LSAMP: variants seen among roughly 807,000 people sequenced by gnomAD.
The protein encoded by LSAMP is limbic system-associated membrane protein.
LSAMP carries 7 observed loss-of-function variants against 38.6 expected under a neutral mutation model. The observed-to-expected ratio is 0.18, with a 90% CI of 0.10 to 0.34. LSAMP has a LOEUF of 0.34. LSAMP is among the 10% of genes least tolerant of loss of function. The probability of loss-of-function intolerance (pLI) is 1.00; values close to 1 mark genes in which losing one functional copy is unlikely to be tolerated. For synonymous variants in LSAMP, 154 were observed against 166.8 expected (o/e 0.92, Z 0.59); for missense variants, 313 against 420.0 (o/e 0.75, Z 2.23).
At chr3:116,005,115 G>GATCT (rs1291566277) in intron 3 of LSAMP, among the ~76,000 whole-genome samples, 1 of 152,082 alleles carries the variant, frequency 6.6e-6, no homozygotes, top group Non-Finnish European at 1.5e-5. Context: ...GGTGAGAAAA[G>GATCT]ATCTGAATAT....
chr3:116,325,696 T>C (rs962796243), intron 1 of LSAMP, among the ~76,000 whole-genome samples: 8 of 152,196 alleles, frequency 5.3e-5, no homozygotes, highest in African/African-American at 1.9e-4. Flanking sequence ...TTTCTCTTTA[T>C]GTACACTTCA....
chr3:116,169,979 A>G (rs945107995), intron 1 of LSAMP, among the ~76,000 whole-genome samples: 2 of 152,182 alleles, frequency 1.3e-5, no homozygotes, highest in Non-Finnish European at 2.9e-5. Context: ...CAGCGAATTA[A>G]CGAGCTTAAA....
chr3:116,161,765 G>A (rs1709891592), intron 1 of LSAMP, among the ~76,000 whole-genome samples: 1 of 152,198 alleles, frequency 6.6e-6, no homozygotes, highest in African/African-American at 2.4e-5. Context: ...CAAAAAAGAT[G>A]ACACAGCAGT....
intron 1 of LSAMP, among the ~76,000 whole-genome samples, chr3:116,376,161 G>C (rs1408805188): frequency 6.6e-6 from 1 of 151,990 alleles, no homozygotes; most frequent in Non-Finnish European, 1.5e-5. Context: ...TAGATATTTT[G>C]AGTCTTATCA....
At chr3:116,174,697 C>T (rs780700487) in intron 1 of LSAMP, among the ~76,000 whole-genome samples, 3 of 151,956 alleles carry the variant, frequency 2.0e-5, no homozygotes, top group Non-Finnish European at 2.9e-5. Flanking sequence ...ACTTTCTTAT[C>T]GCTGTGCTCT....
intron 1 of LSAMP, among the ~76,000 whole-genome samples, chr3:116,208,432 C>T (rs893326378): frequency 3.0e-4 from 46 of 152,170 alleles, no homozygotes; most frequent in African/African-American, 8.9e-4. Context: ...AGCTTTGTTC[C>T]GTTGCTGGTG....
intron 3 of LSAMP, among the ~76,000 whole-genome samples, chr3:116,007,745 T>C (rs1940203345): frequency 6.6e-6 from 1 of 152,182 alleles, no homozygotes; most frequent in Non-Finnish European, 1.5e-5. Context: ...AATGCTCCTA[T>C]ATTTGTGCTT....
Position 115,869,848 on chromosome 3 carries a change from T to C in LSAMP, c.515-17231A>G, listed in dbSNP as rs1158242563. Among the ~76,000 whole-genome samples the C allele has an allele frequency of 2.0e-5, 3 of 152,042 alleles. No individual in the cohort carries two copies. The East Asian group carries it at 5.8e-4, about 29-fold the overall frequency. On this transcript the variant is annotated intron_variant, in intron 3 of 6. Coordinates refer to ENST00000490035, the MANE Select transcript of LSAMP (RefSeq NM_002338.5). ...ACAGACATTTATAAGGATATGTATATCCTTATATATATGTGTATACATAAA... is the reference window on the plus strand; with the variant it reads ...ACAGACATTTATAAGGATATGTATACCCTTATATATATGTGTATACATAAA...
At chr3:116,230,228 C>CT (rs375110846) in intron 1 of LSAMP, among the ~76,000 whole-genome samples, 103 of 145,950 alleles carry the variant, frequency 7.1e-4, no homozygotes, top group African/African-American at 2.0e-3. Flanking sequence ...GGGTAGAATA[C>CT]TTTTTTTTTT....
At chr3:116,239,633 A>G (rs1027533767) in intron 1 of LSAMP, among the ~76,000 whole-genome samples, 7 of 152,170 alleles carry the variant, frequency 4.6e-5, no homozygotes, top group Admixed American at 2.0e-4. Context: ...GAAAATCAGG[A>G]AGGACCAAAC....
intron 1 of LSAMP, among the ~76,000 whole-genome samples, chr3:116,414,566 G>A (rs1307113778): frequency 6.6e-6 from 1 of 152,100 alleles, no homozygotes; most frequent in Admixed American, 6.6e-5. Context: ...TCTCATCTCA[G>A]TGGAAATTAT....
intron 1 of LSAMP, among the ~76,000 whole-genome samples, chr3:116,159,910 G>A (rs1003554637): frequency 6.6e-6 from 1 of 151,552 alleles, no homozygotes; most frequent in Admixed American, 6.6e-5. Flanking sequence ...AAAAGAATGA[G>A]ATCATGTTTT....
At chr3:116,094,943 C>A (rs1708194241) in intron 1 of LSAMP, among the ~76,000 whole-genome samples, 1 of 152,058 alleles carries the variant, frequency 6.6e-6, no homozygotes, top group African/African-American at 2.4e-5. Context: ...TTTCATAAAA[C>A]AAAGCAATAT....
At chr3:116,237,201 CA>C (rs1414831395) in intron 1 of LSAMP, among the ~76,000 whole-genome samples, 1 of 152,096 alleles carries the variant, frequency 6.6e-6, no homozygotes, top group African/African-American at 2.4e-5. Flanking sequence ...AAAGCTCAAA[CA>C]AAACGACGAA....
intron 1 of LSAMP, among the ~76,000 whole-genome samples, chr3:116,112,646 T>A (rs1013970457): frequency 7.9e-5 from 12 of 152,124 alleles, no homozygotes; most frequent in Non-Finnish European, 1.3e-4. Flanking sequence ...AGTGTGCAAT[T>A]GGAAAGAGTG....
chr3:116,030,517 G>T (rs1940893906), intron 2 of LSAMP, among the ~76,000 whole-genome samples: 1 of 152,140 alleles, frequency 6.6e-6, no homozygotes, highest in Non-Finnish European at 1.5e-5. Flanking sequence ...GATTTAAGTA[G>T]ATAGAATGAA....
intron 3 of LSAMP, among the ~76,000 whole-genome samples, chr3:115,913,126 T>C (rs1486509066): frequency 1.3e-5 from 2 of 152,236 alleles, no homozygotes; most frequent in African/African-American, 2.4e-5. Context: ...ATTATTATTT[T>C]AATATGCTCT....
At chr3:116,280,861 AGT>A (rs777520474) in intron 1 of LSAMP, among the ~76,000 whole-genome samples, 73 of 152,214 alleles carry the variant, frequency 4.8e-4, no homozygotes, top group Non-Finnish European at 9.3e-4. Context: ...AGCCCAGAAT[AGT>A]GTGATAGTTT....
At chr3:116,137,559 T>C (rs1253830539) in intron 1 of LSAMP, among the ~76,000 whole-genome samples, 2 of 152,154 alleles carry the variant, frequency 1.3e-5, no homozygotes, top group Non-Finnish European at 2.9e-5. Flanking sequence ...AACATATACA[T>C]CCTTTGAGAA....
Sources: allele counts gnomAD v4.1 joint callset (sites outside exome capture counted in the v4.1 genomes callset), GRCh38; gene constraint gnomAD v4.1.1; transcripts MANE v1.5; gene names NCBI Gene and HGNC (gene_info 2026-07-23, HGNC 2026-07-21).